The following PSME4 variants were observed in gnomAD, a reference collection of about 807,000 sequenced individuals.
PSME4 encodes the protein proteasome activator subunit 4.
A neutral mutation model predicts 253.9 loss-of-function variants in PSME4; 89 were observed. The ratio of observed to expected loss-of-function variants is 0.35; its 90% CI spans 0.30 to 0.42. The LOEUF (loss-of-function observed/expected upper bound fraction) is 0.42, where lower values mean the gene tolerates loss of function less well. Among genes scored for constraint, PSME4 ranks in the 10% least tolerant of loss-of-function variants. The pLI is 1.00. For missense variants in PSME4, 2,014 were observed against 2,195.2 expected (o/e 0.92, Z 1.65); for synonymous variants, 851 against 759.2 (o/e 1.12, Z -1.99).
Position 53,927,423 on chromosome 2 carries a change from C to T in PSME4, c.1564G>A (p.Val522Ile), listed in dbSNP as rs1190904825. 5 of 1,590,750 alleles carry T rather than the reference C, an allele frequency of 3.1e-6. No homozygotes were observed. Among genetic ancestry groups the T allele is most frequent in the East Asian group, 2.2e-5 (1 of 44,730 alleles). ...GTGAGGTCATTTCTTTCTTGTAGTA[C>T]AGATGAACAATCTACTAAAGGCACC... ...TLVPLVDCSS[V>I]LQERNDLTEV... The change falls in exon 12 of 47, where the codon GTA becomes ATA. Residue 522 changes from valine (V) to isoleucine (I), a missense_variant. This residue lies in a region of PSME4 where 989 missense variants were observed against 1,021.1 expected (regional missense o/e 0.97). Transcript: ENST00000404125.
chr2:53,962,546 A>C (rs1332233772), intron 1 of PSME4, among the ~76,000 whole-genome samples: 1 of 152,200 alleles, frequency 6.6e-6, no homozygotes, highest in Non-Finnish European at 1.5e-5. Flanking sequence ...CAAACGGTAC[A>C]TTTCTTTTTT....
chr2:53,928,588 G>C (rs1399487455), intron 10 of PSME4, among the ~76,000 whole-genome samples: 1 of 152,026 alleles, frequency 6.6e-6, no homozygotes, highest in Admixed American at 6.6e-5. Flanking sequence ...TTTTATAATT[G>C]TTCTATTTTA....
Position 53,909,799 on chromosome 2 carries a change from T to C in PSME4, c.2572+276A>G, listed in dbSNP as rs575149002. 1.2e-4 allele frequency among the ~76,000 whole-genome samples: 18 copies of C among 152,148 alleles called. No homozygotes were observed. The South Asian group carries it at 3.5e-3, about 30-fold the overall frequency. On this transcript the variant is annotated intron_variant, in intron 21 of 46. Transcript: ENST00000404125. Reference sequence around the variant, plus strand: ...CACCACGGTGAAACTCTGTCTCTACTAAAAATATAAAACTTAGCTGGGCTT... The same window carrying C: ...CACCACGGTGAAACTCTGTCTCTACCAAAAATATAAAACTTAGCTGGGCTT...
intron 20 of PSME4, among the ~76,000 whole-genome samples, chr2:53,912,638 T>C (rs1667875387): frequency 6.6e-6 from 1 of 152,162 alleles, no homozygotes; most frequent in Admixed American, 6.5e-5. Context: ...TTTGTTTATT[T>C]ACTTTTTGGT....
In PSME4 at chr2:53,887,956, C is replaced by T. The variant is rs747851209; in HGVS notation, c.4422G>A (p.Gln1474=). ...RLYVLQGGLA[Q]QEWRVPELLH... Reference sequence around the variant, plus strand: ...ATAGTTCAGGCACTCTCCATTCTTGCTGGGCAAGGCCACCTTGTAGTACAT... The same window carrying T: ...ATAGTTCAGGCACTCTCCATTCTTGTTGGGCAAGGCCACCTTGTAGTACAT... Residue 1474 remains glutamine (Q), a synonymous_variant, in exon 39 of 47, where the codon CAG becomes CAA. Transcript: ENST00000404125. 7 of 1,612,346 alleles carry T rather than the reference C, an allele frequency of 4.3e-6. No homozygotes were observed. The highest frequency in any genetic ancestry group is 1.1e-5 in the South Asian group (1 of 90,874).
intron 1 of PSME4, among the ~76,000 whole-genome samples, chr2:53,954,354 A>T (rs1573369386): frequency 6.6e-6 from 1 of 151,946 alleles, no homozygotes; most frequent in East Asian, 1.9e-4. Context: ...AAAGAAAGAC[A>T]GTGGGCTAGG....
At chr2:53,885,896 G>C (rs1362331491) in intron 40 of PSME4, 121 bp from the exon 41 acceptor site, 1 of 586,080 alleles carries the variant, frequency 1.7e-6, no homozygotes, top group Non-Finnish European at 3.0e-6. Context: ...TGCTATGAAA[G>C]ATATCATCTA....
intron 46 of PSME4, chr2:53,865,871 A>C: frequency 1.8e-6 from 1 of 543,392 alleles, no homozygotes; most frequent in Non-Finnish European, 3.2e-6. Context: ...AAGCAGTCAC[A>C]CATTTTCTCT....
intron 14 of PSME4, among the ~76,000 whole-genome samples, chr2:53,925,327 G>T (rs2104454866): frequency 6.6e-6 from 1 of 152,314 alleles, no homozygotes; most frequent in East Asian, 1.9e-4. Context: ...AGTCGCAAAA[G>T]CTTGATTCTC....
intron 3 of PSME4, among the ~76,000 whole-genome samples, chr2:53,944,759 T>C (rs529990128): frequency 1.3e-5 from 2 of 152,218 alleles, no homozygotes; most frequent in African/African-American, 4.8e-5. Flanking sequence ...CATTTCCATG[T>C]GGTGAGTGTG....
At chr2:53,888,134 G>A in intron 38 of PSME4, 145 bp from the exon 39 acceptor site, 3 of 681,210 alleles carry the variant, frequency 4.4e-6, no homozygotes, top group East Asian at 3.3e-5. Flanking sequence ...ACTCAAAATA[G>A]CCTCTTTATG....
At chr2:53,963,482 T>C (rs1457233875) in intron 1 of PSME4, among the ~76,000 whole-genome samples, 1 of 152,228 alleles carries the variant, frequency 6.6e-6, no homozygotes, top group East Asian at 1.9e-4. Flanking sequence ...CTGCCTCTAC[T>C]ACACTGTATT....
chr2:53,931,209 G>A (rs1291678300), intron 10 of PSME4, among the ~76,000 whole-genome samples: 8 of 152,246 alleles, frequency 5.3e-5, no homozygotes, highest in African/African-American at 1.2e-4. Context: ...CCAGGAAGGC[G>A]GAGGTTGCGG....
chr2:53,922,901 G>A, intron 16 of PSME4, 148 bp downstream of exon 16: 1 of 662,986 alleles, frequency 1.5e-6, no homozygotes, highest in Non-Finnish European at 2.4e-6. Context: ...CAACCTGGAT[G>A]ATATCTTTTT....
intron 26 of PSME4, among the ~76,000 whole-genome samples, chr2:53,905,752 G>C (rs916973972): frequency 6.6e-6 from 1 of 152,170 alleles, no homozygotes; most frequent in Non-Finnish European, 1.5e-5. Flanking sequence ...TTGAGTTCAA[G>C]GCTACAGTGG....
intron 43 of PSME4, among the ~76,000 whole-genome samples, chr2:53,873,302 A>T (rs1471001519): frequency 6.6e-6 from 1 of 151,992 alleles, no homozygotes; most frequent in Non-Finnish European, 1.5e-5. Flanking sequence ...GGACTAGAAA[A>T]TATCCACTCT....
intron 3 of PSME4, among the ~76,000 whole-genome samples, chr2:53,942,685 T>C (rs1364106340): frequency 6.6e-6 from 1 of 152,190 alleles, no homozygotes; most frequent in African/African-American, 2.4e-5. Flanking sequence ...ATAATAAATG[T>C]TAATTATTAT....
intron 1 of PSME4, among the ~76,000 whole-genome samples, chr2:53,951,566 T>G (rs969097671): frequency 6.6e-6 from 1 of 152,186 alleles, no homozygotes; most frequent in East Asian, 1.9e-4. Context: ...CCAGCAAATA[T>G]AGAGGGAGGA....
chr2:53,874,200 T>A, intron 43 of PSME4, 139 bp downstream of exon 43: 5 of 816,716 alleles, frequency 6.1e-6, no homozygotes, highest in Non-Finnish European at 9.4e-6. Context: ...CATCAAGTGA[T>A]CTCACTGACT....
Sources: gnomAD v4.1 joint callset for allele counts (sites outside exome capture counted in the v4.1 genomes callset) on GRCh38, gnomAD v4.1.1 for gene constraint, gnomAD v4.1.1 regional missense constraint, MANE v1.5 for transcripts, NCBI Gene and HGNC (gene_info 2026-07-23, HGNC 2026-07-21) for gene names.